The following GPAT3 variants were observed in gnomAD, a reference collection of about 807,000 sequenced individuals.
GPAT3 encodes the protein glycerol-3-phosphate acyltransferase 3, also known as 1-AGP acyltransferase 9.
A neutral mutation model predicts 58.8 loss-of-function variants in GPAT3; 53 were observed. The ratio of observed to expected loss-of-function variants is 0.90; its 90% CI spans 0.72 to 1.13. The LOEUF (loss-of-function observed/expected upper bound fraction) is 1.13, where lower values mean the gene tolerates loss of function less well. Ranked by LOEUF, GPAT3 falls within the 50% of genes most tolerant of loss-of-function variation. The pLI is 0.00. For synonymous variants in GPAT3, 197 were observed against 187.4 expected (o/e 1.05, Z -0.42); for missense variants, 511 against 527.6 (o/e 0.97, Z 0.31).
intron 2 of GPAT3, among the ~76,000 whole-genome samples, chr4:83,550,104 A>T (rs1724699144): frequency 6.6e-6 from 1 of 151,784 alleles, no homozygotes; most frequent in Non-Finnish European, 1.5e-5. Context: ...GTCTTAAGTG[A>T]TTCTCCTGCC....
chr4:83,547,443 G>A (rs948407658), intron 2 of GPAT3, among the ~76,000 whole-genome samples: 23 of 151,504 alleles, frequency 1.5e-4, no homozygotes, highest in South Asian at 8.3e-4. Flanking sequence ...TAGTAGAGAC[G>A]GGGTTTCACC....
intron 2 of GPAT3, among the ~76,000 whole-genome samples, chr4:83,547,597 G>A (rs1257922274): frequency 2.0e-5 from 3 of 151,328 alleles, no homozygotes; most frequent in Non-Finnish European, 2.9e-5. Context: ...TTTTTGAAAT[G>A]CATTTCAAGT....
In GPAT3 at chr4:83,594,902, T is replaced by G. The variant is rs756013259; in HGVS notation, c.796T>G (p.Cys266Gly). 3 of 1,613,904 alleles carry G rather than the reference T, an allele frequency of 1.9e-6. No homozygotes were observed. The East Asian group carries it at 6.7e-5, about 36-fold the overall frequency. ...GIIQRAMVKA[C>G]PHVWFERSEM... ...TATTCAGAGAGCTATGGTCAAGGCT[T>G]GTCCTCATGTCTGGTTTGAACGCTC... is the stretch of plus-strand genomic sequence containing the variant. Residue 266 changes from cysteine to glycine, a missense_variant, in exon 7 of 12, where the codon TGT becomes GGT. Transcript: ENST00000264409.
chr4:83,589,620 C>T (rs1726515965), intron 5 of GPAT3, among the ~76,000 whole-genome samples: 1 of 152,060 alleles, frequency 6.6e-6, no homozygotes, highest in Admixed American at 6.6e-5. Flanking sequence ...ACCATGAAAC[C>T]ACTAAAAGTG....
At chr4:83,562,213 A>AT in intron 2 of GPAT3, among the ~76,000 whole-genome samples, 2 of 20,386 alleles carry the variant, frequency 9.8e-5, no homozygotes, top group African/African-American at 8.5e-4. Flanking sequence ...TATATATATT[A>AT]TATATATATA....
chr4:83,599,808 C>T (rs145845750), intron 11 of GPAT3, among the ~76,000 whole-genome samples: 86 of 152,164 alleles, frequency 5.7e-4, no homozygotes, highest in African/African-American at 2.0e-3. Context: ...GGGATATGTT[C>T]CAAGTGCCCT....
intron 2 of GPAT3, among the ~76,000 whole-genome samples, chr4:83,571,260 G>C (rs1725593841): frequency 6.6e-6 from 1 of 152,156 alleles, no homozygotes; most frequent in African/African-American, 2.4e-5. Flanking sequence ...TAGGAATAAA[G>C]CTGCTATAAA....
At chr4:83,579,005 C>T (rs867054469) in intron 2 of GPAT3, among the ~76,000 whole-genome samples, 1,416 of 99,532 alleles carry the variant, frequency 0.014, 120 homozygotes, top group Middle Eastern at 0.022. Context: ...TCCTTCCTTC[C>T]TTCCTTCTTT....
chr4:83,598,227 C>G, intron 10 of GPAT3, 48 bp downstream of exon 10: 1 of 1,580,468 alleles, frequency 6.3e-7, no homozygotes, highest in Admixed American at 2.0e-5. Context: ...GCAAGGAGAT[C>G]TTCACCTGAA....
intron 6 of GPAT3, among the ~76,000 whole-genome samples, chr4:83,593,218 G>A (rs1295024922): frequency 7.2e-6 from 1 of 139,818 alleles, no homozygotes; most frequent in Non-Finnish European, 1.5e-5. Context: ...AGGCTGGAGT[G>A]CAGTGGTATG....
At position 83,594,946 on chromosome 4, in the gene GPAT3, C is replaced by G. The variant is rs143005739; in HGVS notation, c.840C>G (p.His280Gln). 6.2e-7 allele frequency: 1 copy of G among 1,613,590 alleles called. No homozygotes were observed. Among genetic ancestry groups the G allele is most frequent in the Non-Finnish European group, 8.5e-7 (1 of 1,179,706 alleles). Reference protein sequence around the residue: ...WFERSEMKDRHLVTKRLKEHI... With the variant: ...WFERSEMKDRQLVTKRLKEHI... ...AACGCTCAGAAATGAAGGATCGACACCTGGTTACTAAGAGGTAAGCAGTGA... is the reference window on the plus strand; with the variant it reads ...AACGCTCAGAAATGAAGGATCGACAGCTGGTTACTAAGAGGTAAGCAGTGA... The change falls in exon 7 of 12, where the codon CAC (histidine) becomes CAG (glutamine). Residue 280 changes from histidine to glutamine, a missense_variant. Physicochemically the swap from His to Gln is conservative, Grantham distance 24. Transcript: ENST00000264409.
At position 83,538,977 on chromosome 4, in the gene GPAT3, C is replaced by T. The variant is rs543431934; in HGVS notation, c.141+2214C>T. On this transcript the variant is annotated intron_variant, in intron 1 of 11. Coordinates refer to ENST00000264409, the MANE Select transcript of GPAT3 (RefSeq NM_032717.5). Reference sequence around the variant, plus strand: ...TGAGCCAGCTCTGATTTGTTGGTTGCGGCTGCCTGGAACTCCTATGTTTGG... The same window carrying T: ...TGAGCCAGCTCTGATTTGTTGGTTGTGGCTGCCTGGAACTCCTATGTTTGG... Among the ~76,000 whole-genome samples, 8 of 152,236 alleles carry T rather than the reference C, an allele frequency of 5.3e-5. No homozygotes were observed. The South Asian group carries it at 6.2e-4, about 12-fold the overall frequency.
intron 2 of GPAT3, among the ~76,000 whole-genome samples, chr4:83,573,310 T>A (rs146474612): frequency 1.3e-5 from 2 of 152,204 alleles, no homozygotes; most frequent in East Asian, 3.9e-4. Flanking sequence ...GGCTAATTTT[T>A]GTATTTTTAG....
intron 2 of GPAT3, among the ~76,000 whole-genome samples, chr4:83,555,167 C>A (rs1303244531): frequency 1.3e-5 from 2 of 152,112 alleles, no homozygotes; most frequent in East Asian, 3.9e-4. Flanking sequence ...GACTTCTGCT[C>A]CCTCTCCCTT....
intron 2 of GPAT3, among the ~76,000 whole-genome samples, chr4:83,554,300 C>G (rs1458270423): frequency 6.6e-6 from 1 of 152,124 alleles, no homozygotes; most frequent in East Asian, 1.9e-4. Context: ...TAGGGAAGTT[C>G]TCTTCACAGT....
chr4:83,597,664 CT>C, intron 9 of GPAT3, 149 bp downstream of exon 9: 2 of 562,164 alleles, frequency 3.6e-6, no homozygotes, highest in Non-Finnish European at 6.1e-6. Context: ...GCCTCCCCTG[CT>C]TTCTCATGTG....
At chr4:83,581,429 G>T in intron 2 of GPAT3, 133 bp from the exon 3 acceptor site, 1 of 932,696 alleles carries the variant, frequency 1.1e-6, no homozygotes, top group South Asian at 1.7e-5. Context: ...TCTTACTTCT[G>T]AAGATGGCTG....
intron 2 of GPAT3, among the ~76,000 whole-genome samples, chr4:83,578,972 C>CTTTCT (rs1254586523): frequency 1.0e-5 from 1 of 99,922 alleles, no homozygotes; most frequent in Non-Finnish European, 1.9e-5. Context: ...TTCTTTCTTT[C>CTTTCT]TTTCTTTCTT....
intron 1 of GPAT3, among the ~76,000 whole-genome samples, chr4:83,542,694 C>T (rs1279474978): frequency 6.6e-6 from 1 of 152,144 alleles, no homozygotes; most frequent in Non-Finnish European, 1.5e-5. Flanking sequence ...TTTGACTTGG[C>T]ATATTAATAA....
Sources: allele counts gnomAD v4.1 joint callset (sites outside exome capture counted in the v4.1 genomes callset), GRCh38; gene constraint gnomAD v4.1.1; transcripts MANE v1.5; gene names NCBI Gene and HGNC (gene_info 2026-07-23, HGNC 2026-07-21).